DYRK1A: variants seen among roughly 807,000 people sequenced by gnomAD.
DYRK1A encodes dual specificity tyrosine phosphorylation regulated kinase 1A, also known as dual specificity tyrosine-phosphorylation-regulated kinase 1A.
DYRK1A carries 9 observed loss-of-function variants against 79.7 expected under a neutral mutation model. The observed-to-expected ratio is 0.11, with a 90% CI of 0.07 to 0.20. DYRK1A has a LOEUF of 0.20. DYRK1A is among the 10% of genes least tolerant of loss of function. DYRK1A has a pLI of 1.00. For synonymous variants in DYRK1A, 349 were observed against 329.7 expected, an observed-to-expected ratio of 1.06 and a Z score of -0.63; for missense variants, 622 against 956.0, an observed-to-expected ratio of 0.65 and a Z score of 4.61.
intron 9 of DYRK1A, chr21:37,502,542 G>T (rs545842722): frequency 1.3e-5 from 2 of 152,000 alleles, no homozygotes; most frequent in Non-Finnish European, 2.9e-5. Flanking sequence ...TACCTCTTGT[G>T]CACTTGTTGT....
At chr21:37,491,305 C>T (rs959150896) in intron 7 of DYRK1A, among the ~76,000 whole-genome samples, 1 of 152,070 alleles carries the variant, frequency 6.6e-6, no homozygotes, top group Admixed American at 6.6e-5. Context: ...TAGGGGTCTC[C>T]TCTTGAAAGG....
chr21:37,377,124 TTTAG>T (rs1276179474), intron 1 of DYRK1A, among the ~76,000 whole-genome samples: 3 of 152,144 alleles, frequency 2.0e-5, no homozygotes, highest in Non-Finnish European at 4.4e-5. Flanking sequence ...TTTTTATTTA[TTTAG>T]TTAGTTTTTG....
chr21:37,510,215 A>C (rs1316040524), intron 11 of DYRK1A, among the ~76,000 whole-genome samples: 2 of 152,346 alleles, frequency 1.3e-5, no homozygotes, highest in East Asian at 3.9e-4. Flanking sequence ...GTGATTTATA[A>C]TTTTGATAAC....
intron 1 of DYRK1A, among the ~76,000 whole-genome samples, chr21:37,376,008 C>A (rs565689761): frequency 5.3e-5 from 8 of 151,686 alleles, no homozygotes; most frequent in African/African-American, 1.7e-4. Flanking sequence ...CACAAGCAGA[C>A]GAGGAGATGA....
At chr21:37,468,401 C>T (rs746543879) in intron 2 of DYRK1A, among the ~76,000 whole-genome samples, 1 of 152,158 alleles carries the variant, frequency 6.6e-6, no homozygotes, top group African/African-American at 2.4e-5. Flanking sequence ...GCCCCTGCGC[C>T]TGGCCTGCCA....
intron 2 of DYRK1A, among the ~76,000 whole-genome samples, chr21:37,456,797 C>T (rs753744967): frequency 3.3e-5 from 5 of 152,106 alleles, no homozygotes; most frequent in African/African-American, 4.8e-5. Context: ...ATAATGCCAC[C>T]TTATGCATAG....
chr21:37,524,687 C>T lies in DYRK1A; in HGVS notation c.*12156C>T, dbSNP rs2053956922. ...ATGACAGGGGTCACCATATGTTATG[C>T]ACACTGCTCCGCTATTGCTCTTTAT... On this transcript the variant is annotated 3_prime_UTR_variant, in exon 12 of 12. Coordinates refer to ENST00000647188, the MANE Select transcript of DYRK1A (RefSeq NM_001347721.2). 6.6e-6 allele frequency: 1 copy of T among 152,238 alleles called. No homozygotes were observed. The highest frequency in any genetic ancestry group is 6.5e-5 in the Admixed American group (1 of 15,278). 9.4% of individuals were successfully genotyped at this position (152,238 alleles called of 1,614,324 possible). A position where few individuals can be genotyped will look rare whatever the true frequency, so the allele number is the denominator to read the frequency against.
intron 2 of DYRK1A, among the ~76,000 whole-genome samples, chr21:37,447,868 C>G (rs1419927210): frequency 6.6e-6 from 1 of 151,990 alleles, no homozygotes; most frequent in African/African-American, 2.4e-5. Context: ...TAAGAAAGCA[C>G]TTGGTGTTTT....
At chr21:37,368,720 C>A (rs1375844628) in intron 1 of DYRK1A, among the ~76,000 whole-genome samples, 1 of 152,102 alleles carries the variant, frequency 6.6e-6, no homozygotes, top group Non-Finnish European at 1.5e-5. Context: ...ACTGACTGGT[C>A]TAAGGTCATA....
rs2053880930 is a variant in DYRK1A at position 37,516,392 on chromosome 21, A to T, written c.*3861A>T. ...TTGGTGTCAGGGAGAGTAGAGGAGA[A>T]GTTCTGATTTTCATAACCCTGGTTT... is the stretch of plus-strand genomic sequence containing the variant. On this transcript the variant is annotated 3_prime_UTR_variant, in exon 12 of 12. Coordinates refer to ENST00000647188, the MANE Select transcript of DYRK1A (RefSeq NM_001347721.2). 6.6e-6 allele frequency: 1 copy of T among 152,224 alleles called. No homozygotes were observed. Among genetic ancestry groups the T allele is most frequent in the Non-Finnish European group, 1.5e-5 (1 of 68,042 alleles). 9.4% of individuals were successfully genotyped at this position (152,224 alleles called of 1,614,324 possible).
intron 1 of DYRK1A, among the ~76,000 whole-genome samples, chr21:37,417,619 G>A (rs1191155950): frequency 7.2e-6 from 1 of 139,138 alleles, no homozygotes; most frequent in Admixed American, 7.7e-5. Flanking sequence ...CCTGCCTGTG[G>A]AATACAGACA....
chr21:37,402,695 G>A (rs1165825162), intron 1 of DYRK1A, among the ~76,000 whole-genome samples: 2 of 151,908 alleles, frequency 1.3e-5, no homozygotes, highest in African/African-American at 4.8e-5. Flanking sequence ...GTCACTAAGG[G>A]TCTGTTCAGT....
At chr21:37,425,953 C>G (rs1048176791) in intron 2 of DYRK1A, among the ~76,000 whole-genome samples, 2 of 152,186 alleles carry the variant, frequency 1.3e-5, no homozygotes, top group African/African-American at 4.8e-5. Context: ...AGAAGAGCAG[C>G]TGGAACTGGA....
At chr21:37,417,529 C>CTTTTTCTTTTTTTTTTTTTTT (rs1555959239) in intron 1 of DYRK1A, among the ~76,000 whole-genome samples, 1 of 44,070 alleles carries the variant, frequency 2.3e-5, no homozygotes. Flanking sequence ...TTTTCTTTTT[C>CTTTTTCTTTTTTTTTTTTTTT]TTTTTTTTTT....
chr21:37,489,251 G>A (rs912907066), intron 6 of DYRK1A, among the ~76,000 whole-genome samples: 1 of 152,136 alleles, frequency 6.6e-6, no homozygotes, highest in Non-Finnish European at 1.5e-5. Context: ...TGACAGATGG[G>A]TGTTTTATGT....
chr21:37,429,025 T>C (rs2050704018), intron 2 of DYRK1A: 1 of 152,354 alleles, frequency 6.6e-6, no homozygotes, highest in Non-Finnish European at 1.5e-5. Flanking sequence ...GGCCTCTGTA[T>C]TCCTTAGTCT....
rs2053880622 is a variant in DYRK1A at position 37,516,372 on chromosome 21, G to C, written c.*3841G>C. The stretch of plus-strand genomic sequence containing the variant: ...GACCAGACGTTGGAAAACCTTTGGT[G>C]TCAGGGAGAGTAGAGGAGAAGTTCT... On this transcript the variant is annotated 3_prime_UTR_variant, in exon 12 of 12. Transcript: ENST00000647188. The C allele has an allele frequency of 6.6e-6, 1 of 152,212 alleles. No homozygotes were observed. The highest frequency in any genetic ancestry group is 6.5e-5 in the Admixed American group (1 of 15,282). The allele number at this position is 152,212 out of a possible 1,614,324, so 9.4% of individuals were successfully genotyped here.
At position 37,490,401 on chromosome 21, in the gene DYRK1A, C is replaced by T. The variant is rs2053045881; in HGVS notation, c.864C>T (p.Asn288=). ...DLKPENILLC[N]PKRSAIKIVD... The stretch of plus-strand genomic sequence containing the variant: ...AACCTGAAAATATCCTTCTTTGTAA[C>T]CCCAAACGCAGTGCAATCAAGATAG... Residue 288 remains asparagine (N), a synonymous_variant, in exon 7 of 12, where the codon AAC becomes AAT. Transcript: ENST00000647188. 2 of 1,613,598 alleles carry T rather than the reference C, an allele frequency of 1.2e-6. No homozygotes were observed. The highest frequency in any genetic ancestry group is 1.7e-6 in the Non-Finnish European group (2 of 1,179,672).
At chr21:37,390,269 T>G (rs575890795) in intron 1 of DYRK1A, among the ~76,000 whole-genome samples, 2 of 152,312 alleles carry the variant, frequency 1.3e-5, no homozygotes, top group African/African-American at 4.8e-5. Context: ...TTACCTTTAT[T>G]TATTTTTCTT....
Sources: gnomAD v4.1 joint callset for allele counts (sites outside exome capture counted in the v4.1 genomes callset) on GRCh38, gnomAD v4.1.1 for gene constraint, MANE v1.5 for transcripts, NCBI Gene and HGNC (gene_info 2026-07-23, HGNC 2026-07-21) for gene names.